Variants in NOTCH1 observed in about 807,000 individuals in gnomAD.
The protein encoded by NOTCH1 is notch receptor 1.
NOTCH1 carries 37 observed loss-of-function variants against 254.8 expected under a neutral mutation model. That is an observed-to-expected ratio of 0.15 (90% CI 0.11 to 0.19). The LOEUF (loss-of-function observed/expected upper bound fraction) is 0.19. Ranked by LOEUF, NOTCH1 falls within the 10% of genes least tolerant of loss-of-function variation. NOTCH1 has a pLI of 1.00. For missense variants in NOTCH1, 2,972 were observed against 3,708.6 expected, an observed-to-expected ratio of 0.80 and a Z score of 5.16; for synonymous variants, 1,731 against 1,618.1, an observed-to-expected ratio of 1.07 and a Z score of -1.68.
intron 4 of NOTCH1, 69 bp from the exon 5 acceptor site, chr9:136,519,634 A>C: frequency 6.2e-7 from 1 of 1,608,748 alleles, no homozygotes; most frequent in South Asian, 1.1e-5. Context: ...GACCCCCGAC[A>C]CACTGCTCTG....
intron 8 of NOTCH1, 32 bp from the exon 9 acceptor site, chr9:136,517,417 G>A (rs769010279): frequency 1.5e-5 from 22 of 1,422,234 alleles, no homozygotes; most frequent in East Asian, 2.4e-5. Context: ...AGGGGGGCAC[G>A]CGCGGCCCCA....
At position 136,498,968 on chromosome 9, in the gene NOTCH1, G is replaced by A. The variant is rs749488166; in HGVS notation, c.6111C>T (p.Ala2037=). ...CAACTGCGGCATCCACATTGTTCAC[G>A]GCGGCGGCCCAGTGCAGGGCGGACT... ...LGKSALHWAA[A]VNNVDAAVVL... Residue 2037 remains alanine (A), a synonymous_variant, in exon 33 of 34, where the codon GCC becomes GCT. Coordinates refer to ENST00000651671, the MANE Select transcript of NOTCH1 (RefSeq NM_017617.5). 5.0e-6 allele frequency: 8 copies of A among 1,613,450 alleles called. No homozygotes were observed. The African/African-American group carries it at 5.3e-5, about 11-fold the overall frequency.
rs1470543120 is a variant in NOTCH1 at position 136,505,112 on chromosome 9, G to A, written c.4587-8C>T. On this transcript the variant is annotated splice_region_variant and splice_polypyrimidine_tract_variant and intron_variant, in intron 25 of 33. Transcript: ENST00000651671. ...TACTGGTCGTACAGGGGGCTGTGGG[G>A]GGCGGGACACGCTCAGGCCGCCTTC... 2 of 1,606,786 alleles carry A rather than the reference G, an allele frequency of 1.2e-6. No individual in the cohort carries two copies. Among genetic ancestry groups the A allele is most frequent in the Admixed American group, 1.7e-5 (1 of 59,932 alleles).
chr9:136,515,299 C>T lies in NOTCH1; in HGVS notation c.2005G>A (p.Gly669Ser), dbSNP rs778394191. The change falls in exon 12 of 34, where the codon GGC becomes AGC. Residue 669 changes from glycine to serine, a missense_variant. Transcript: ENST00000651671. ...GTGCAGGGCCGCTCACCTGTGTAGC[C>T]CGGCTCACAGGCACACTCGTAGCCA... is the stretch of plus-strand genomic sequence containing the variant. Reference protein sequence around the residue: ...IDGYECACEPGYTGSMCNINI... With the variant: ...IDGYECACEPSYTGSMCNINI... 3.1e-6 allele frequency: 5 copies of T among 1,612,646 alleles called. No homozygotes were observed. Among genetic ancestry groups the T allele is most frequent in the Non-Finnish European group, 4.2e-6 (5 of 1,179,778 alleles).
chr9:136,539,960 G>C (rs1423620566), intron 2 of NOTCH1, among the ~76,000 whole-genome samples: 3 of 152,208 alleles, frequency 2.0e-5, no homozygotes, highest in African/African-American at 7.2e-5. Context: ...GGGAAATGAC[G>C]GGGCAGCTCA....
chr9:136,497,251 C>A lies in NOTCH1; in HGVS notation c.6488G>T (p.Ser2163Ile), dbSNP rs35900692. ...CTTGCTTCCACAGGCCAGGCCTTTG[C>A]TGCTGGGCTTGCGGACCTTCTTGCC... is the stretch of plus-strand genomic sequence containing the variant. ...VQGKKVRKPS[S>I]KGLACGSKEA... is the part of the protein sequence containing the mutation. The change falls in exon 34 of 34, where the codon AGC becomes ATC. Residue 2163 changes from serine to isoleucine, a missense_variant. Transcript: ENST00000651671. 6.2e-7 allele frequency: 1 copy of A among 1,612,042 alleles called. No individual in the cohort carries two copies. Among genetic ancestry groups the A allele is most frequent in the Non-Finnish European group, 8.5e-7 (1 of 1,179,914 alleles).
At position 136,507,928 on chromosome 9, in the gene NOTCH1, A is replaced by C. The variant is rs115223996; in HGVS notation, c.3510+27T>G. ...GTGTGGCAACACTCGTGCCGGCCAC[A>C]ACCCTTACCCTAGGAGGGACCCCCA... On this transcript the variant is annotated intron_variant, in intron 21 of 33. Transcript: ENST00000651671. 2,950 of 1,610,890 alleles carry C rather than the reference A, an allele frequency of 1.8e-3. 28 individuals are homozygous for C. The African/African-American group carries it at 0.03, about 16-fold the overall frequency.
chr9:136,507,806 CCT>C (rs1843112716), intron 21 of NOTCH1, 147 bp downstream of exon 21: 3 of 860,626 alleles, frequency 3.5e-6, no homozygotes, highest in Non-Finnish European at 5.6e-6. Context: ...GGCAGTCTAC[CCT>C]GATTACCCCA....
At chr9:136,536,233 C>CAGGGCCTCGCTGTCA (rs1471753573) in intron 2 of NOTCH1, among the ~76,000 whole-genome samples, 1 of 152,214 alleles carries the variant, frequency 6.6e-6, no homozygotes, top group Non-Finnish European at 1.5e-5. Context: ...TGCCTGCAGA[C>CAGGGCCTCGCTGTCA]AGGGCCTCGC....
Position 136,513,421 on chromosome 9 carries a change from T to C in NOTCH1, c.2324A>G (p.Tyr775Cys), listed in dbSNP as rs1486659741. Residue 775 changes from tyrosine (Y) to cysteine (C), a missense_variant, in exon 14 of 34, where the codon TAC (tyrosine) becomes TGC (cysteine). Physicochemically the swap from Tyr to Cys is radical, Grantham distance 194. This residue lies in a region of NOTCH1 where 1,343 missense variants were observed against 1,557.0 expected (regional missense o/e 0.86). Coordinates refer to ENST00000651671, the MANE Select transcript of NOTCH1 (RefSeq NM_017617.5). This position sits in a 1 kb window ranked among gnomAD's most constrained non-coding sequence, Gnocchi z 4.7. ...GGTCKDMTSG[Y>C]VCTCREGFSG... ...GAAGCCCTCCCGGCAGGTGCACACG[T>C]AGCCACTGGTCATGTCTTTGCAGGT... is the stretch of plus-strand genomic sequence containing the variant. 1 of 1,612,940 alleles carries C rather than the reference T, an allele frequency of 6.2e-7. No individual in the cohort carries two copies. The highest frequency in any genetic ancestry group is 1.7e-5 in the Admixed American group (1 of 60,028).
intron 2 of NOTCH1, among the ~76,000 whole-genome samples, chr9:136,528,903 G>A (rs574461145): frequency 2.0e-5 from 3 of 152,268 alleles, no homozygotes; most frequent in Admixed American, 2.0e-4. Context: ...CGTCCTGCAG[G>A]AGCCAATCGC....
intron 8 of NOTCH1, 21 bp downstream of exon 8, chr9:136,517,731 C>T (rs773648107): frequency 6.2e-7 from 1 of 1,612,452 alleles, no homozygotes; most frequent in South Asian, 1.1e-5. Flanking sequence ...CGGTTTCCCG[C>T]CCTGGCCCCG....
In NOTCH1 at chr9:136,508,061, G is replaced by T; in HGVS notation, c.3404C>A (p.Ala1135Glu). ...AGNTHHCRCQ[A>E]GYTGSYCEDL... ...CTCACAGTAGCTGCCTGTGTAGCCC[G>T]CCTGGCAGCGGCAGTGGTGCGTGTT... The change falls in exon 21 of 34, where the codon GCG becomes GAG. Residue 1135 changes from alanine to glutamate, a missense_variant. Physicochemically the swap from Ala to Glu is moderately radical, Grantham distance 107. Around this residue, in one of 8 missense-constraint regions of NOTCH1, gnomAD observed 1,343 missense variants for 1,557.0 expected, o/e 0.86. Coordinates refer to ENST00000651671, the MANE Select transcript of NOTCH1 (RefSeq NM_017617.5). The T allele has an allele frequency of 6.2e-7, 1 of 1,611,236 alleles. No homozygotes were observed. The highest frequency in any genetic ancestry group is 8.5e-7 in the Non-Finnish European group (1 of 1,179,986).
chr9:136,518,552 G>A (rs756964388), intron 6 of NOTCH1, 39 bp downstream of exon 6: 2 of 1,571,436 alleles, frequency 1.3e-6, no homozygotes, highest in Non-Finnish European at 1.7e-6. Flanking sequence ...CCTGGCCCAT[G>A]TGAGCCCCCT....
intron 2 of NOTCH1, chr9:136,543,630 T>A (rs957850289): frequency 7.9e-6 from 3 of 380,538 alleles, no homozygotes; most frequent in Non-Finnish European, 1.5e-5. Context: ...CCAGGAGGCA[T>A]CACCCGCCCA....
chr9:136,497,274 G>C lies in NOTCH1; in HGVS notation c.6465C>G (p.Gly2155=), dbSNP rs780757286. The change falls in exon 34 of 34, where the codon GGC becomes GGG. Residue 2155 remains glycine, a synonymous_variant. Transcript: ENST00000651671. ...TGCTGCTGGGCTTGCGGACCTTCTT[G>C]CCCTGCACGCCGGGCTTGAGGCTGC... is the stretch of plus-strand genomic sequence containing the variant. ...YLGSLKPGVQ[G]KKVRKPSSKG... The C allele has an allele frequency of 6.2e-7, 1 of 1,610,184 alleles. No homozygotes were observed. Among genetic ancestry groups the C allele is most frequent in the Non-Finnish European group, 8.5e-7 (1 of 1,179,862 alleles).
chr9:136,507,108 C>A, intron 22 of NOTCH1, 135 bp from the exon 23 acceptor site: 1 of 1,463,078 alleles, frequency 6.8e-7, no homozygotes, highest in South Asian at 1.2e-5. Context: ...TCAAGGGTGC[C>A]GTGGAGACGC....
At chr9:136,500,317 C>T (rs532987512) in intron 31 of NOTCH1, among the ~76,000 whole-genome samples, 57 of 152,350 alleles carry the variant, frequency 3.7e-4, no homozygotes, top group African/African-American at 1.3e-3. Flanking sequence ...CAGCAGATCC[C>T]CCAGGCCTCC....
Position 136,506,267 on chromosome 9 carries a change from T to C in NOTCH1, c.4014+260A>G, listed in dbSNP as rs1022175029. ...TGTATCACTGAAATCCAGAGTGAAA[T>C]TGATGCAAGCTGCTAACCAGGGGAA... On this transcript the variant is annotated intron_variant, in intron 24 of 33. Transcript: ENST00000651671. The surrounding 1 kb of genome is among the most constrained non-coding windows in gnomAD (Gnocchi z 4.5). Among the ~76,000 whole-genome samples, 9 of 151,826 alleles carry C rather than the reference T, an allele frequency of 5.9e-5. No individual in the cohort carries two copies. Among genetic ancestry groups the C allele is most frequent in the African/African-American group, 1.7e-4 (7 of 41,294 alleles).
Sources: allele counts gnomAD v4.1 joint callset (sites outside exome capture counted in the v4.1 genomes callset), GRCh38; gene constraint gnomAD v4.1.1; regional missense constraint gnomAD v4.1.1; non-coding constraint Gnocchi (gnomAD v3.1); transcripts MANE v1.5; gene names NCBI Gene and HGNC (gene_info 2026-07-23, HGNC 2026-07-21).